The following SMAD5 variants were observed in gnomAD, a reference collection of about 807,000 sequenced individuals.
SMAD5 encodes the protein MAD, mothers against decapentaplegic homolog 5.
Under a neutral mutation model 43.1 loss-of-function variants are expected in SMAD5, and 9 were observed. That is an observed-to-expected ratio of 0.21 (90% CI 0.13 to 0.36). SMAD5 has a LOEUF of 0.36. SMAD5 is among the 10% of genes least tolerant of loss of function. The pLI is 1.00. For missense variants in SMAD5, 348 were observed against 574.0 expected, an observed-to-expected ratio of 0.61 and a Z score of 4.02; for synonymous variants, 190 against 192.4, an observed-to-expected ratio of 0.99 and a Z score of 0.10.
rs532877973 is a variant in SMAD5, at chr5:136,146,531, C to A, written c.-244-1301C>A. On this transcript the variant is annotated intron_variant, in intron 1 of 7. Transcript: ENST00000545279. ...AATGTTCAGAGGTATTGCAGGTTCA[C>A]TTGTGGCTCATGCAAATCAGAACGT... Among the ~76,000 whole-genome samples, 36 of 151,848 alleles carry A rather than the reference C, an allele frequency of 2.4e-4. 1 individual carries two copies. In the South Asian group the frequency reaches 6.6e-3, roughly 28 times the overall value.
intron 5 of SMAD5, among the ~76,000 whole-genome samples, chr5:136,165,098 A>T (rs932595638): frequency 2.5e-4 from 38 of 152,124 alleles, no homozygotes; most frequent in African/African-American, 8.9e-4. Flanking sequence ...TTTCCTATAA[A>T]GGTTTTTCCC....
Position 136,166,338 on chromosome 5 carries a change from CTA to C in SMAD5, c.775+2949_775+2950del, listed in dbSNP as rs546550883. Among the ~76,000 whole-genome samples, 155 of 151,970 alleles carry C rather than the reference CTA, an allele frequency of 1.0e-3. 1 individual carries two copies. The highest frequency in any genetic ancestry group is 3.6e-3 in the African/African-American group (148 of 41,460). Reference sequence around the variant, plus strand: ...AAAACAATGTGTTTTTATGTGTTTTCTATGTTTGTGATAATACTGAATGTGTG... The same window carrying C: ...AAAACAATGTGTTTTTATGTGTTTTCTGTTTGTGATAATACTGAATGTGTG... On this transcript the variant is annotated intron_variant, in intron 5 of 7. Transcript: ENST00000545279.
intron 4 of SMAD5, 71 bp from the exon 5 acceptor site, chr5:136,163,201 T>C: frequency 7.3e-7 from 1 of 1,361,854 alleles, no homozygotes; most frequent in Non-Finnish European, 1.0e-6. Flanking sequence ...ATCTTAAGAA[T>C]TTTCTAAAGC....
In SMAD5 at chr5:136,182,369, T is replaced by A. The variant is rs1027071007; in HGVS notation, c.*4889T>A. On this transcript the variant is annotated 3_prime_UTR_variant, in exon 8 of 8. Coordinates refer to ENST00000545279, the MANE Select transcript of SMAD5 (RefSeq NM_005903.7). Reference sequence around the variant, plus strand: ...ATGGTTAGGCAAGTGATTTTTTTTTTAAATATGGTTGGCGTAAGTTGTATT... The same window carrying A: ...ATGGTTAGGCAAGTGATTTTTTTTTAAAATATGGTTGGCGTAAGTTGTATT... 11 of 152,352 alleles carry A rather than the reference T, an allele frequency of 7.2e-5. No homozygotes were observed. The highest frequency in any genetic ancestry group is 2.1e-4 in the South Asian group (1 of 4,830). The allele number at this position is 152,352 out of a possible 1,614,324, so 9.4% of individuals were successfully genotyped here.
intron 1 of SMAD5, among the ~76,000 whole-genome samples, chr5:136,138,445 T>G (rs1752959906): frequency 6.6e-6 from 1 of 152,236 alleles, no homozygotes. Context: ...GTAGATGTTC[T>G]TATAAAGAAT....
In SMAD5 at chr5:136,137,578, G is replaced by A. The variant is rs531000079; in HGVS notation, c.-245+4616G>A. Among the ~76,000 whole-genome samples, 5 of 152,204 alleles carry A rather than the reference G, an allele frequency of 3.3e-5. No homozygotes were observed. The South Asian group carries it at 8.3e-4, about 25-fold the overall frequency. On this transcript the variant is annotated intron_variant, in intron 1 of 7. Coordinates refer to ENST00000545279, the MANE Select transcript of SMAD5 (RefSeq NM_005903.7). ...TCAGGTTTGTTTTCATGATGTGTTA[G>A]GATCTGCCTAGTATCCTATCTGGTA... is the stretch of plus-strand genomic sequence containing the variant.
intron 7 of SMAD5, among the ~76,000 whole-genome samples, chr5:136,175,488 A>G (rs915680349): frequency 1.3e-5 from 2 of 152,218 alleles, no homozygotes; most frequent in Non-Finnish European, 2.9e-5. Flanking sequence ...AAGGATTTGC[A>G]AAGTTCAAAG....
At chr5:136,136,398 G>A (rs1203629257) in intron 1 of SMAD5, among the ~76,000 whole-genome samples, 1 of 152,110 alleles carries the variant, frequency 6.6e-6, no homozygotes, top group East Asian at 1.9e-4. Flanking sequence ...GGCTGGTCTT[G>A]AACTCTTAAC....
chr5:136,153,118 A>G (rs937167238), intron 2 of SMAD5, among the ~76,000 whole-genome samples: 1 of 152,132 alleles, frequency 6.6e-6, no homozygotes, highest in African/African-American at 2.4e-5. Context: ...ATTTTTGTCC[A>G]AACCTTCTCA....
intron 2 of SMAD5, among the ~76,000 whole-genome samples, chr5:136,150,760 G>A (rs1753430566): frequency 6.6e-6 from 1 of 151,988 alleles, no homozygotes; most frequent in Non-Finnish European, 1.5e-5. Flanking sequence ...TTAAGTCTTG[G>A]TTCGTCTTCT....
At chr5:136,146,824 G>A (rs1460422199) in intron 1 of SMAD5, among the ~76,000 whole-genome samples, 2 of 151,620 alleles carry the variant, frequency 1.3e-5, no homozygotes, top group Non-Finnish European at 3.0e-5. Context: ...AAACCTAGCT[G>A]TTAAATATTA....
chr5:136,162,296 C>T (rs1441886265), intron 4 of SMAD5, among the ~76,000 whole-genome samples: 1 of 152,220 alleles, frequency 6.6e-6, no homozygotes, highest in Non-Finnish European at 1.5e-5. Flanking sequence ...AATGTTCAGA[C>T]TCACACAGAC....
At chr5:136,172,804 T>C (rs952506047) in intron 6 of SMAD5, 149 bp downstream of exon 6, 1 of 620,932 alleles carries the variant, frequency 1.6e-6, no homozygotes, top group Non-Finnish European at 2.9e-6. Context: ...AATGTATTAA[T>C]CAAATAAAGA....
At chr5:136,144,114 G>C (rs574443998) in intron 1 of SMAD5, among the ~76,000 whole-genome samples, 2 of 152,172 alleles carry the variant, frequency 1.3e-5, no homozygotes, top group Admixed American at 1.3e-4. Context: ...TCATACGGCA[G>C]TTTTGATGAA....
intron 1 of SMAD5, among the ~76,000 whole-genome samples, chr5:136,143,140 C>G (rs1438968472): frequency 6.6e-6 from 1 of 152,112 alleles, no homozygotes; most frequent in African/African-American, 2.4e-5. Context: ...CCTCCACTGT[C>G]ACCTTCTTGC....
intron 1 of SMAD5, among the ~76,000 whole-genome samples, chr5:136,137,656 G>A (rs1290784144): frequency 1.3e-5 from 2 of 152,088 alleles, no homozygotes. Context: ...CCAGGAAGAG[G>A]GGGGTTCTGC....
intron 4 of SMAD5, among the ~76,000 whole-genome samples, chr5:136,162,327 AT>A (rs1753850825): frequency 6.6e-6 from 1 of 152,066 alleles, no homozygotes; most frequent in Non-Finnish European, 1.5e-5. Flanking sequence ...CTGGGAATGG[AT>A]TTTTTTTCTC....
At chr5:136,160,310 G>T (rs1172719375) in intron 3 of SMAD5, among the ~76,000 whole-genome samples, 2 of 152,128 alleles carry the variant, frequency 1.3e-5, no homozygotes, top group Non-Finnish European at 2.9e-5. Flanking sequence ...AAATGTGGAA[G>T]TTTTTAGGGC....
chr5:136,180,339 A>C lies in SMAD5; in HGVS notation c.*2859A>C, dbSNP rs1258052814. 1 of 152,194 alleles carries C rather than the reference A, an allele frequency of 6.6e-6. No individual in the cohort carries two copies. The highest frequency in any genetic ancestry group is 1.5e-5 in the Non-Finnish European group (1 of 68,006). The allele number at this position is 152,194 out of a possible 1,614,324, so 9.4% of individuals were successfully genotyped here. A position where few individuals can be genotyped will look rare whatever the true frequency, so the allele number is the denominator to read the frequency against. On this transcript the variant is annotated 3_prime_UTR_variant, in exon 8 of 8. Transcript: ENST00000545279. ...ATTCTAGCACCACTAGAATAATCAC[A>C]TAGCATGTACAATATATTTATGCTG...
Sources: gnomAD v4.1 joint callset for allele counts (sites outside exome capture counted in the v4.1 genomes callset) on GRCh38, gnomAD v4.1.1 for gene constraint, MANE v1.5 for transcripts, NCBI Gene and HGNC (gene_info 2026-07-23, HGNC 2026-07-21) for gene names.